Variants in RPTOR observed in about 807,000 individuals in gnomAD.
RPTOR encodes regulatory-associated protein of mTOR.
In RPTOR, 21 loss-of-function variants were observed where a neutral mutation model predicts 169.9. That is an observed-to-expected ratio of 0.12 (90% confidence interval 0.09 to 0.18). The LOEUF (loss-of-function observed/expected upper bound fraction) is 0.18, where lower values mean the gene tolerates loss of function less well. RPTOR is among the 10% of genes least tolerant of loss of function. RPTOR has a pLI of 1.00. For missense variants in RPTOR, 1,133 were observed against 1,855.9 expected (o/e 0.61, Z 7.16); for synonymous variants, 732 against 753.2 (o/e 0.97, Z 0.46).
intron 28 of RPTOR, among the ~76,000 whole-genome samples, chr17:80,950,314 T>C (rs1035531619): frequency 1.3e-5 from 2 of 152,204 alleles, no homozygotes; most frequent in Non-Finnish European, 2.9e-5. Flanking sequence ...TCTTCGTCTG[T>C]GGCCTGTGGA....
chr17:80,592,355 A>C (rs2049841775), intron 1 of RPTOR, among the ~76,000 whole-genome samples: 1 of 152,052 alleles, frequency 6.6e-6, no homozygotes. Flanking sequence ...TATTTAAGAG[A>C]CTAGAGTAAG....
In RPTOR at chr17:80,609,159, G is replaced by A. The variant is rs2065249658; in HGVS notation, c.163-16532G>A. 6.6e-6 allele frequency among the ~76,000 whole-genome samples: 1 copy of A among 152,170 alleles called. No individual in the cohort carries two copies. The highest frequency in any genetic ancestry group is 1.9e-4 in the East Asian group (1 of 5,186). ...ATCACTAGCCTGCCTCGGGCTGCAGGGGGCGGGGAGCACATGCGGCGTGCA... is the reference window on the plus strand; with the variant it reads ...ATCACTAGCCTGCCTCGGGCTGCAGAGGGCGGGGAGCACATGCGGCGTGCA... On this transcript the variant is annotated intron_variant, in intron 1 of 33. Transcript: ENST00000306801. This position sits in a 1 kb window ranked among gnomAD's most constrained non-coding sequence, Gnocchi z 4.8.
intron 21 of RPTOR, among the ~76,000 whole-genome samples, chr17:80,918,798 C>CTGGA (rs2068710848): frequency 6.6e-6 from 1 of 152,194 alleles, no homozygotes; most frequent in East Asian, 1.9e-4. Context: ...GCAGCGGGGG[C>CTGGA]TCCATACAGC....
At chr17:80,719,358 A>G (rs2066266047) in intron 4 of RPTOR, among the ~76,000 whole-genome samples, 1 of 152,152 alleles carries the variant, frequency 6.6e-6, no homozygotes, top group Non-Finnish European at 1.5e-5. Flanking sequence ...AGCACTTTAT[A>G]TTCCAAGTGA....
rs771724692 is a variant in RPTOR, at chr17:80,893,864, C to T, written c.2400C>T (p.Ile800=). The change falls in exon 20 of 34, where the codon ATC becomes ATT. Residue 800 remains isoleucine (I), a splice_region_variant and synonymous_variant. Transcript: ENST00000306801. ...CCTACTCCTCCCTCAACTCCCTCATCGGTGAGTCCGCCTGCCCCTTTCTGC... is the reference window on the plus strand; with the variant it reads ...CCTACTCCTCCCTCAACTCCCTCATTGGTGAGTCCGCCTGCCCCTTTCTGC... The part of the protein sequence containing the change: ...ASSYSSLNSL[I]GVSFNSVYTQ... The T allele has an allele frequency of 1.4e-5, 21 of 1,519,224 alleles. No individual in the cohort carries two copies. The highest frequency in any genetic ancestry group is 8.5e-5 in the Admixed American group (4 of 47,326). 94.1% of individuals were successfully genotyped at this position (1,519,224 alleles called of 1,614,324 possible).
intron 2 of RPTOR, among the ~76,000 whole-genome samples, chr17:80,634,541 C>G (rs1204081791): frequency 1.2e-4 from 11 of 92,476 alleles, no homozygotes; most frequent in Non-Finnish European, 2.3e-4. Flanking sequence ...CATGTGCGTA[C>G]TGTGTGTGTG....
Position 80,959,902 on chromosome 17 carries a change from A to T in RPTOR, c.3478-176A>T, listed in dbSNP as rs2069312408. On this transcript the variant is annotated intron_variant, in intron 29 of 33. Transcript: ENST00000306801. This position sits in a 1 kb window ranked among gnomAD's most constrained non-coding sequence, Gnocchi z 6.7. ...CTGCCAGCCCCTGCCTCTCCCTGGG[A>T]CTCCTGGGCTCCCCAGGCCTTTGAT... 6.6e-6 allele frequency among the ~76,000 whole-genome samples: 1 copy of T among 151,720 alleles called. No individual in the cohort carries two copies. The highest frequency in any genetic ancestry group is 1.5e-5 in the Non-Finnish European group (1 of 67,906).
chr17:80,921,829 C>G (rs1259608235), intron 21 of RPTOR, among the ~76,000 whole-genome samples: 2 of 152,198 alleles, frequency 1.3e-5, no homozygotes, highest in East Asian at 3.9e-4. Flanking sequence ...TCCCCTTCCC[C>G]TGCCAGTGCG....
At chr17:80,918,488 ACC>A (rs1491119165) in intron 21 of RPTOR, among the ~76,000 whole-genome samples, 3 of 94,374 alleles carry the variant, frequency 3.2e-5, no homozygotes, top group Non-Finnish European at 4.7e-5. Context: ...AGCCACGAGC[ACC>A]CTCGCGGGGG....
At chr17:80,868,465 G>A (rs113932306) in intron 13 of RPTOR, among the ~76,000 whole-genome samples, 67 of 152,330 alleles carry the variant, frequency 4.4e-4, no homozygotes, top group African/African-American at 1.5e-3. Context: ...TGCCTAAGAA[G>A]CTGCTGTTAT....
intron 20 of RPTOR, among the ~76,000 whole-genome samples, chr17:80,898,157 T>A (rs1266809260): frequency 6.6e-6 from 1 of 152,226 alleles, no homozygotes; most frequent in Non-Finnish European, 1.5e-5. Flanking sequence ...TATTTCTTCA[T>A]AAGCTAGCTT....
intron 3 of RPTOR, among the ~76,000 whole-genome samples, chr17:80,649,541 G>A (rs2065623226): frequency 6.6e-6 from 1 of 152,166 alleles, no homozygotes; most frequent in African/African-American, 2.4e-5. Context: ...AGGCAGAACT[G>A]TGGGTGGATG....
chr17:80,715,717 C>CT (rs1283979435), intron 4 of RPTOR, among the ~76,000 whole-genome samples: 1 of 150,478 alleles, frequency 6.6e-6, no homozygotes, highest in Non-Finnish European at 1.5e-5. Flanking sequence ...TCCCTCGCCC[C>CT]CTCCCACCCT....
intron 7 of RPTOR, chr17:80,804,458 A>G (rs946885965): frequency 3.3e-5 from 5 of 152,260 alleles, no homozygotes; most frequent in African/African-American, 7.2e-5. Flanking sequence ...GTTGGGCTGA[A>G]GACAATTAAG....
rs191704788 is a variant in RPTOR at position 80,681,068 on chromosome 17, C to A, written c.349-26773C>A. 2.0e-5 allele frequency among the ~76,000 whole-genome samples: 3 copies of A among 152,190 alleles called. No individual in the cohort carries two copies. In the East Asian group the frequency reaches 5.8e-4, roughly 29 times the overall value. ...GGCTTCAAGGCATGCATGGGTTTGA[C>A]AGAGGTGAGGGGCCTGGCGCACTGG... On this transcript the variant is annotated intron_variant, in intron 3 of 33. Transcript: ENST00000306801.
chr17:80,900,972 C>T (rs1358040252), intron 20 of RPTOR, among the ~76,000 whole-genome samples: 1 of 152,238 alleles, frequency 6.6e-6, no homozygotes, highest in African/African-American at 2.4e-5. Context: ...GGCATCTCCC[C>T]TTCTGCTGGC....
rs963002216 is a variant in RPTOR at position 80,746,945 on chromosome 17, C to A, written c.655-7065C>A. Among the ~76,000 whole-genome samples, 2 of 142,618 alleles carry A rather than the reference C, an allele frequency of 1.4e-5. No individual in the cohort carries two copies. The highest frequency in any genetic ancestry group is 6.9e-5 in the Admixed American group (1 of 14,532). The allele number at this position is 142,618 out of a possible 152,430, so 93.6% of individuals were successfully genotyped here. ...AAAAATGCTAGGTTCTGGGTGGGTGCGGTGGGTCAGGCCTGTAACCCCAGA... is the reference window on the plus strand; with the variant it reads ...AAAAATGCTAGGTTCTGGGTGGGTGAGGTGGGTCAGGCCTGTAACCCCAGA... On this transcript the variant is annotated intron_variant, in intron 5 of 33. Transcript: ENST00000306801. This position sits in a 1 kb window ranked among gnomAD's most constrained non-coding sequence, Gnocchi z 4.5.
At chr17:80,709,601 G>T (rs534183676) in intron 4 of RPTOR, among the ~76,000 whole-genome samples, 26 of 152,348 alleles carry the variant, frequency 1.7e-4, no homozygotes, top group African/African-American at 5.8e-4. Flanking sequence ...GCCCTTCTCA[G>T]TGCCTTCCCT....
intron 7 of RPTOR, among the ~76,000 whole-genome samples, chr17:80,800,685 C>T (rs896422103): frequency 1.3e-5 from 2 of 152,092 alleles, no homozygotes; most frequent in East Asian, 1.9e-4. Context: ...CAATAAGATC[C>T]GTGCCTGGAA....
Sources: gnomAD v4.1 joint callset for allele counts (sites outside exome capture counted in the v4.1 genomes callset) on GRCh38, gnomAD v4.1.1 for gene constraint, Gnocchi (gnomAD v3.1) non-coding constraint, MANE v1.5 for transcripts, NCBI Gene and HGNC (gene_info 2026-07-23, HGNC 2026-07-21) for gene names.